The following ZC3H18 variants were observed in gnomAD, a reference collection of about 807,000 sequenced individuals.
The protein encoded by ZC3H18 is zinc finger CCCH domain-containing protein 18.
ZC3H18 carries 8 observed loss-of-function variants against 106.1 expected under a neutral mutation model. The observed-to-expected ratio is 0.08, with a 90% CI of 0.04 to 0.14. The LOEUF is 0.14. Among genes scored for constraint, ZC3H18 ranks in the 10% least tolerant of loss-of-function variants. ZC3H18 has a pLI of 1.00. For synonymous variants in ZC3H18, 635 were observed against 522.1 expected (o/e 1.22, Z -2.95); for missense variants, 1,318 against 1,278.4 (o/e 1.03, Z -0.47).
chr16:88,596,285 T>G (rs887832519), intron 3 of ZC3H18, among the ~76,000 whole-genome samples: 1 of 152,130 alleles, frequency 6.6e-6, no homozygotes, highest in Non-Finnish European at 1.5e-5. Context: ...CCTAAAAATT[T>G]TCATAAATAC....
chr16:88,595,628 G>A (rs756136780), intron 3 of ZC3H18, among the ~76,000 whole-genome samples: 24 of 151,626 alleles, frequency 1.6e-4, no homozygotes, highest in Admixed American at 3.9e-4. Flanking sequence ...CTAACATGGC[G>A]AAACCCTGTC....
intron 3 of ZC3H18, among the ~76,000 whole-genome samples, chr16:88,596,654 A>C (rs2142659905): frequency 6.6e-6 from 1 of 152,270 alleles, no homozygotes; most frequent in Admixed American, 6.5e-5. Context: ...TCCATCTGAA[A>C]AAAAAAGGAA....
rs377608902 is a variant in ZC3H18, at chr16:88,631,322, C to T, written c.*23C>T. 2.2e-5 allele frequency: 34 copies of T among 1,556,194 alleles called. No homozygotes were observed. Among genetic ancestry groups the T allele is most frequent in the African/African-American group, 4.1e-5 (3 of 73,120 alleles). On this transcript the variant is annotated 3_prime_UTR_variant, in exon 18 of 18. Transcript: ENST00000301011. ...TAGGCCGTGCCCCGACCGGACTGGA[C>T]GCATTTTTATACATAGGGTAAGCGC...
intron 3 of ZC3H18, 85 bp from the exon 4 acceptor site, chr16:88,598,093 C>CCCCCCCCACA: frequency 3.0e-6 from 1 of 337,424 alleles, no homozygotes; most frequent in Non-Finnish European, 5.6e-6. Context: ...ATGGCCTCTG[C>CCCCCCCCACA]CCCCTCCCAC....
Position 88,611,404 on chromosome 16 carries a change from G to A in ZC3H18, c.1343G>A (p.Arg448Gln), listed in dbSNP as rs1478506722. The change falls in exon 8 of 18, where the codon CGG becomes CAG. Residue 448 changes from arginine (R) to glutamine (Q), a missense_variant. Physicochemically the swap from Arg to Gln is conservative, Grantham distance 43. Around this residue, in one of 6 missense-constraint regions of ZC3H18, gnomAD observed 848 missense variants for 821.7 expected, o/e 1.03. Transcript: ENST00000301011. ...RERERDKERQ[R>Q]RKEEWERERA... The stretch of plus-strand genomic sequence containing the variant: ...CGCGAGCGCGACAAGGAGCGGCAGC[G>A]GAGGAAGGAGGAGTGGGAGCGTGAG... The A allele has an allele frequency of 4.0e-6, 5 of 1,257,986 alleles. No homozygotes were observed. The highest frequency in any genetic ancestry group is 2.6e-5 in the South Asian group (2 of 78,338). The allele number at this position is 1,257,986 out of a possible 1,614,324, so 77.9% of individuals were successfully genotyped here.
chr16:88,609,565 G>A, intron 7 of ZC3H18, among the ~76,000 whole-genome samples: 1 of 151,682 alleles, frequency 6.6e-6, no homozygotes, highest in Non-Finnish European at 1.5e-5. Context: ...GCCTCCCAGA[G>A]TGCTGGGATT....
chr16:88,610,535 G>A (rs146594626), intron 7 of ZC3H18, among the ~76,000 whole-genome samples: 1 of 152,242 alleles, frequency 6.6e-6, no homozygotes, highest in Non-Finnish European at 1.5e-5. Context: ...GTTCCTCTCT[G>A]CTGTGTCCGA....
intron 2 of ZC3H18, among the ~76,000 whole-genome samples, chr16:88,581,656 C>T (rs935715183): frequency 5.3e-5 from 8 of 152,214 alleles, no homozygotes; most frequent in African/African-American, 1.9e-4. Context: ...CGGTCTCTTA[C>T]CTGTTCAGGA....
intron 8 of ZC3H18, 133 bp downstream of exon 8, chr16:88,611,669 G>A: frequency 2.2e-6 from 3 of 1,355,238 alleles, no homozygotes; most frequent in African/African-American, 1.5e-5. Context: ...CAGGCCCACA[G>A]CCCGAGCCCA....
chr16:88,573,978 A>G (rs768488938), intron 1 of ZC3H18, among the ~76,000 whole-genome samples: 5 of 151,594 alleles, frequency 3.3e-5, no homozygotes, highest in African/African-American at 4.8e-5. Context: ...AGTTCAAGCA[A>G]TTCTCCTGCC....
intron 3 of ZC3H18, 128 bp downstream of exon 3, chr16:88,586,812 G>T: frequency 1.7e-6 from 1 of 577,180 alleles, no homozygotes; most frequent in Non-Finnish European, 3.2e-6. Context: ...TGGCTAGGTG[G>T]TGGTGGTGGT....
At chr16:88,573,176 AT>A (rs1321211457) in intron 1 of ZC3H18, among the ~76,000 whole-genome samples, 4 of 152,082 alleles carry the variant, frequency 2.6e-5, no homozygotes, top group Non-Finnish European at 2.9e-5. Context: ...GAGAATCAGA[AT>A]TTGTCATATT....
chr16:88,572,237 A>T (rs935316030), intron 1 of ZC3H18, among the ~76,000 whole-genome samples: 2 of 152,236 alleles, frequency 1.3e-5, no homozygotes, highest in East Asian at 1.9e-4. Context: ...GCATTTCAGC[A>T]GTGCCGTTGG....
At chr16:88,621,325 C>T (rs1597356297) in intron 8 of ZC3H18, among the ~76,000 whole-genome samples, 3 of 151,328 alleles carry the variant, frequency 2.0e-5, no homozygotes, top group East Asian at 1.9e-4. Context: ...CCCGGGTTCA[C>T]GCCATTCTTC....
chr16:88,599,181 C>A (rs1292655816), intron 5 of ZC3H18, among the ~76,000 whole-genome samples: 1 of 152,190 alleles, frequency 6.6e-6, no homozygotes, highest in African/African-American at 2.4e-5. Flanking sequence ...CAGCCACTCA[C>A]AGAAAGCCTG....
At chr16:88,591,558 C>G (rs532724594) in intron 3 of ZC3H18, among the ~76,000 whole-genome samples, 2 of 150,216 alleles carry the variant, frequency 1.3e-5, no homozygotes, top group African/African-American at 4.9e-5. Context: ...GGCAACAGAA[C>G]GAGACTCCGT....
At chr16:88,615,638 C>T (rs1905551374) in intron 8 of ZC3H18, among the ~76,000 whole-genome samples, 1 of 152,152 alleles carries the variant, frequency 6.6e-6, no homozygotes, top group South Asian at 2.1e-4. Flanking sequence ...TTCACGCCAC[C>T]CAGATCATTG....
rs561849583 is a variant in ZC3H18, at chr16:88,585,869, G to A, written c.604-731G>A. ...GGCTGGAAGAGGCCGGGATCAGGCT[G>A]ACGAGTACTTCCATCTTGGATGGTC... is the stretch of plus-strand genomic sequence containing the variant. On this transcript the variant is annotated intron_variant, in intron 2 of 17. Coordinates refer to ENST00000301011, the MANE Select transcript of ZC3H18 (RefSeq NM_144604.4). Among the ~76,000 whole-genome samples the A allele has an allele frequency of 3.5e-3, 526 of 152,244 alleles. 7 individuals carry two copies. The highest frequency in any genetic ancestry group is 0.012 in the African/African-American group (506 of 41,540).
chr16:88,576,636 G>A (rs1186394216), intron 1 of ZC3H18, among the ~76,000 whole-genome samples: 1 of 152,210 alleles, frequency 6.6e-6, no homozygotes, highest in African/African-American at 2.4e-5. Context: ...ACTGCCGAAG[G>A]CTGGCCCAGG....
Sources: allele counts gnomAD v4.1 joint callset (sites outside exome capture counted in the v4.1 genomes callset), GRCh38; gene constraint gnomAD v4.1.1; regional missense constraint gnomAD v4.1.1; transcripts MANE v1.5; gene names NCBI Gene and HGNC (gene_info 2026-07-23, HGNC 2026-07-21).